The following GDAP1 variants were observed in gnomAD, a reference collection of about 807,000 sequenced individuals.
GDAP1 encodes the protein ganglioside induced differentiation associated protein 1.
In GDAP1, 34 loss-of-function variants were observed where a neutral mutation model predicts 40.1. That is an observed-to-expected ratio of 0.85 (90% confidence interval 0.64 to 1.13). The LOEUF (loss-of-function observed/expected upper bound fraction) is 1.13, where lower values mean the gene tolerates loss of function less well. GDAP1 is among the 50% of genes most tolerant of loss of function. The probability of loss-of-function intolerance (pLI) is 0.00; values close to 1 mark genes in which losing one functional copy is unlikely to be tolerated. For synonymous variants in GDAP1, 170 were observed against 157.4 expected (o/e 1.08, Z -0.60); for missense variants, 374 against 433.7 (o/e 0.86, Z 1.22).
intron 2 of GDAP1, among the ~76,000 whole-genome samples, chr8:74,386,113 CA>C (rs1230576584): frequency 6.6e-6 from 1 of 152,250 alleles, no homozygotes; most frequent in Non-Finnish European, 1.5e-5. Flanking sequence ...GGATAGACTG[CA>C]AATATTTTCT....
intron 2 of GDAP1, among the ~76,000 whole-genome samples, chr8:74,397,701 T>C (rs1810233373): frequency 1.3e-5 from 2 of 152,116 alleles, no homozygotes; most frequent in African/African-American, 4.8e-5. Flanking sequence ...CTCTGTTCTG[T>C]TCCATTGATC....
At chr8:74,421,611 C>T (rs1805858370) in intron 2 of GDAP1, among the ~76,000 whole-genome samples, 1 of 149,052 alleles carries the variant, frequency 6.7e-6, no homozygotes, top group Non-Finnish European at 1.5e-5. Flanking sequence ...CAGCAAGCTG[C>T]ACAGTTCAAC....
intron 2 of GDAP1, among the ~76,000 whole-genome samples, chr8:74,450,031 A>G (rs1806277494): frequency 6.6e-6 from 1 of 151,792 alleles, no homozygotes; most frequent in South Asian, 2.1e-4. Flanking sequence ...CTTTAGCTGG[A>G]TCCAGAAAAT....
At chr8:74,371,396 C>T (rs1397164112), downstream of GDAP1, among the ~76,000 whole-genome samples, 2 of 152,184 alleles carry the variant, frequency 1.3e-5, no homozygotes, top group Non-Finnish European at 2.9e-5. Flanking sequence ...CGCGGTGGCT[C>T]ACGCCTGTAA....
chr8:74,360,103 C>T, intron 2 of GDAP1, 34 bp from the exon 3 acceptor site: 2 of 1,553,164 alleles, frequency 1.3e-6, no homozygotes, highest in Non-Finnish European at 1.8e-6. Flanking sequence ...TCATGTGTAA[C>T]TTTTTCTTCA....
intron 3 of GDAP1, among the ~76,000 whole-genome samples, chr8:74,361,327 G>T (rs1402282483): frequency 1.3e-5 from 2 of 152,180 alleles, no homozygotes; most frequent in East Asian, 1.9e-4. Context: ...ACTGTAAAGT[G>T]CTGGGCCTTG....
chr8:74,425,931 A>G (rs1805941826), intron 2 of GDAP1, among the ~76,000 whole-genome samples: 1 of 152,052 alleles, frequency 6.6e-6, no homozygotes. Context: ...CATTTCCTCC[A>G]TTTCCAGTGC....
chr8:74,451,426 G>C (rs1806295535), intron 2 of GDAP1, among the ~76,000 whole-genome samples: 1 of 63,846 alleles, frequency 1.6e-5, no homozygotes, highest in Non-Finnish European at 2.9e-5. Flanking sequence ...CTCTAGCCTA[G>C]GCGACAGAGT....
intron 2 of GDAP1, among the ~76,000 whole-genome samples, chr8:74,421,637 TGTA>T (rs1805858624): frequency 2.5e-5 from 3 of 120,014 alleles, no homozygotes. Flanking sequence ...CCTTCAGGAC[TGTA>T]ATTTGTAAGA....
intron 2 of GDAP1, among the ~76,000 whole-genome samples, chr8:74,398,670 A>G (rs1278576090): frequency 2.6e-5 from 4 of 152,126 alleles, no homozygotes; most frequent in African/African-American, 9.7e-5. Flanking sequence ...ATTCAGTATG[A>G]TATTGGCTGT....
At chr8:74,460,231 A>G (rs191948300) in intron 2 of GDAP1, among the ~76,000 whole-genome samples, 1 of 152,322 alleles carries the variant, frequency 6.6e-6, no homozygotes, top group African/African-American at 2.4e-5. Flanking sequence ...GAAATACATA[A>G]TGTTCCTTAA....
At chr8:74,440,606 T>G (rs1806151418) in intron 2 of GDAP1, among the ~76,000 whole-genome samples, 1 of 68 alleles carries the variant, frequency 0.015, no homozygotes, top group Admixed American at 0.25. Flanking sequence ...TTAGAAGTCT[T>G]TTTTTTTTTT....
intron 2 of GDAP1, among the ~76,000 whole-genome samples, chr8:74,396,190 G>A (rs1264806501): frequency 6.6e-6 from 1 of 151,816 alleles, no homozygotes; most frequent in Non-Finnish European, 1.5e-5. Context: ...TATACAGTTG[G>A]TTTTGAAATG....
In GDAP1 at chr8:74,366,068, T is replaced by C. The variant is rs781146378; in HGVS notation, c.*1701T>C. 5.0e-4 allele frequency: 220 copies of C among 440,706 alleles called. 1 individual carries two copies. Among genetic ancestry groups the C allele is most frequent in the Admixed American group, 1.0e-4 (4 of 39,288 alleles). The allele number at this position is 440,706 out of a possible 1,614,324, so 27.3% of individuals were successfully genotyped here. Reference sequence around the variant, plus strand: ...AAAACCTCTGAAGGATATTTACCTATGAAAAAGTTGTTAAGAATAAAAATT... The same window carrying C: ...AAAACCTCTGAAGGATATTTACCTACGAAAAAGTTGTTAAGAATAAAAATT... On this transcript the variant is annotated 3_prime_UTR_variant, in exon 6 of 6. Transcript: ENST00000220822.
intron 2 of GDAP1, among the ~76,000 whole-genome samples, chr8:74,414,819 T>C (rs889668768): frequency 3.3e-5 from 5 of 149,808 alleles, no homozygotes; most frequent in Non-Finnish European, 5.9e-5. Flanking sequence ...ACAAAGCCTA[T>C]AGCTTCAAGA....
intron 2 of GDAP1, among the ~76,000 whole-genome samples, chr8:74,397,754 T>C (rs1189586839): frequency 5.3e-5 from 8 of 152,214 alleles, no homozygotes; most frequent in Non-Finnish European, 1.0e-4. Flanking sequence ...TTTTGGTTAC[T>C]GTAGCCTTGT....
intron 2 of GDAP1, among the ~76,000 whole-genome samples, chr8:74,395,511 G>C (rs780844442): frequency 2.0e-5 from 3 of 152,178 alleles, no homozygotes; most frequent in Non-Finnish European, 4.4e-5. Context: ...TTGTGTAGCT[G>C]TCCTAAGCTA....
intron 2 of GDAP1, among the ~76,000 whole-genome samples, chr8:74,406,073 G>A (rs1056073252): frequency 1.3e-5 from 2 of 150,120 alleles, no homozygotes; most frequent in African/African-American, 5.1e-5. Flanking sequence ...GGAATATAAA[G>A]GCCTTGGCAT....
At chr8:74,438,306 G>A (rs954086937) in intron 2 of GDAP1, among the ~76,000 whole-genome samples, 1 of 151,920 alleles carries the variant, frequency 6.6e-6, no homozygotes, top group African/African-American at 2.4e-5. Context: ...GAAGGGCTGA[G>A]TAATGAGTAC....
Sources: allele counts gnomAD v4.1 joint callset (sites outside exome capture counted in the v4.1 genomes callset), GRCh38; gene constraint gnomAD v4.1.1; transcripts MANE v1.5; gene names NCBI Gene and HGNC (gene_info 2026-07-23, HGNC 2026-07-21).